The following SPOCK3 variants were observed in gnomAD, a reference collection of about 807,000 sequenced individuals.
SPOCK3 encodes the protein SPARC (osteonectin), cwcv and kazal like domains proteoglycan 3.
Under a neutral mutation model 56.6 loss-of-function variants are expected in SPOCK3, and 30 were observed. The observed-to-expected ratio is 0.53, with a 90% CI of 0.40 to 0.72. The LOEUF is 0.72. SPOCK3 is among the 30% of genes least tolerant of loss of function. The pLI is 0.00. For synonymous variants in SPOCK3, 196 were observed against 183.3 expected (o/e 1.07, Z -0.56); for missense variants, 527 against 530.0 (o/e 0.99, Z 0.06).
intron 6 of SPOCK3, among the ~76,000 whole-genome samples, chr4:166,839,955 T>C (rs988298761): frequency 3.3e-5 from 5 of 152,178 alleles, no homozygotes; most frequent in Admixed American, 6.5e-5. Context: ...TGAGGGTGTA[T>C]TACTGTGCTT....
chr4:167,080,367 A>C (rs28405279), intron 2 of SPOCK3, among the ~76,000 whole-genome samples: 9,531 of 152,092 alleles, frequency 0.063, 476 homozygotes, highest in African/African-American at 0.14. Flanking sequence ...TTGATTGATT[A>C]ACTTTCCTTT....
intron 2 of SPOCK3, among the ~76,000 whole-genome samples, chr4:167,149,883 T>C (rs1234781250): frequency 1.3e-5 from 2 of 151,738 alleles, no homozygotes; most frequent in Non-Finnish European, 2.9e-5. Flanking sequence ...AAAGTATAGA[T>C]GCAGAGATGT....
At chr4:166,886,593 T>C (rs896142318) in intron 6 of SPOCK3, among the ~76,000 whole-genome samples, 2 of 152,162 alleles carry the variant, frequency 1.3e-5, no homozygotes, top group East Asian at 1.9e-4. Flanking sequence ...AGAAAATCTA[T>C]ATTTATTAGT....
chr4:167,209,703 G>C (rs530005196), intron 2 of SPOCK3, among the ~76,000 whole-genome samples: 1 of 152,246 alleles, frequency 6.6e-6, no homozygotes, highest in African/African-American at 2.4e-5. Context: ...CATTACCTGA[G>C]AATGCAGGAG....
chr4:166,843,493 A>T (rs758326546), intron 6 of SPOCK3, among the ~76,000 whole-genome samples: 4 of 152,200 alleles, frequency 2.6e-5, no homozygotes, highest in Admixed American at 6.5e-5. Context: ...GTGTAGAATT[A>T]AGGGACAAGA....
At chr4:166,945,496 C>G (rs1024040594) in intron 4 of SPOCK3, among the ~76,000 whole-genome samples, 2 of 152,114 alleles carry the variant, frequency 1.3e-5, no homozygotes, top group Admixed American at 1.3e-4. Flanking sequence ...ATTCCCTTGA[C>G]GTAATCAGTT....
intron 2 of SPOCK3, among the ~76,000 whole-genome samples, chr4:167,210,492 T>C (rs1734764644): frequency 6.6e-6 from 1 of 152,172 alleles, no homozygotes; most frequent in Admixed American, 6.6e-5. Flanking sequence ...CACACATGAT[T>C]ATTTAAAAAC....
At chr4:167,095,343 A>G (rs879675646) in intron 2 of SPOCK3, among the ~76,000 whole-genome samples, 2 of 151,970 alleles carry the variant, frequency 1.3e-5, no homozygotes, top group Admixed American at 1.3e-4. Context: ...CCAGTAGGAT[A>G]TTGAATAACA....
intron 8 of SPOCK3, among the ~76,000 whole-genome samples, chr4:166,747,094 A>G (rs540158720): frequency 8.5e-4 from 129 of 152,302 alleles, no homozygotes; most frequent in Non-Finnish European, 1.2e-3. Context: ...AAACTATTCC[A>G]ATCAATAGAA....
chr4:167,224,169 AT>A (rs1244730172), intron 2 of SPOCK3, among the ~76,000 whole-genome samples: 5 of 152,146 alleles, frequency 3.3e-5, no homozygotes, highest in Non-Finnish European at 7.4e-5. Context: ...TCTAACACAT[AT>A]TTTTTCATTT....
chr4:166,923,210 CTG>C (rs1384851006), intron 4 of SPOCK3, among the ~76,000 whole-genome samples: 1 of 152,144 alleles, frequency 6.6e-6, no homozygotes, highest in Non-Finnish European at 1.5e-5. Context: ...CTGTTTTTGT[CTG>C]TGTCAAAACT....
chr4:166,953,960 G>A (rs1211546317), intron 4 of SPOCK3, among the ~76,000 whole-genome samples: 2 of 152,216 alleles, frequency 1.3e-5, no homozygotes, highest in East Asian at 3.9e-4. Flanking sequence ...GGGAGGGATA[G>A]CATTGGGAGA....
intron 6 of SPOCK3, among the ~76,000 whole-genome samples, chr4:166,826,526 T>G (rs992290184): frequency 8.5e-5 from 13 of 152,102 alleles, no homozygotes; most frequent in Non-Finnish European, 1.2e-4. Context: ...TTGTTCTGAC[T>G]CCACATCATG....
Position 166,847,647 on chromosome 4 carries a change from TTATATATATATATATATATA to T in SPOCK3, c.589+41463_589+41482del, listed in dbSNP as rs147015731. 5.6e-4 allele frequency among the ~76,000 whole-genome samples: 31 copies of T among 55,368 alleles called. 1 individual carries two copies. The highest frequency in any genetic ancestry group is 1.3e-3 in the African/African-American group (26 of 19,568). 36.3% of individuals were successfully genotyped at this position (55,368 alleles called of 152,430 possible). A position where few individuals can be genotyped will look rare whatever the true frequency, so the allele number is the denominator to read the frequency against. Reference sequence around the variant, plus strand: ...CACAATTCAAAAGGAAAATCCTAGTTTATATATATATATATATATATATATATATATATAAGAATCATGTT... The same window carrying T: ...CACAATTCAAAAGGAAAATCCTAGTTTATATATATATATAAGAATCATGTT... On this transcript the variant is annotated intron_variant, in intron 6 of 10. Coordinates refer to ENST00000357545, the MANE Select transcript of SPOCK3 (RefSeq NM_001040159.2).
At chr4:166,871,572 C>G (rs1732479927) in intron 6 of SPOCK3, among the ~76,000 whole-genome samples, 1 of 151,896 alleles carries the variant, frequency 6.6e-6, no homozygotes. Context: ...TAAAACGTTG[C>G]AAACAAAGAA....
At chr4:166,805,948 T>A (rs1457932747) in intron 6 of SPOCK3, among the ~76,000 whole-genome samples, 3 of 152,242 alleles carry the variant, frequency 2.0e-5, no homozygotes, top group Middle Eastern at 3.4e-3. Context: ...TAAAACTGCA[T>A]TCAAGTGTAG....
chr4:166,826,172 T>A (rs1300364463), intron 6 of SPOCK3, among the ~76,000 whole-genome samples: 1 of 152,126 alleles, frequency 6.6e-6, no homozygotes, highest in East Asian at 1.9e-4. Context: ...AAACATTTTT[T>A]AAAAATAACT....
intron 4 of SPOCK3, among the ~76,000 whole-genome samples, chr4:166,920,552 T>G (rs1051867674): frequency 1.3e-5 from 2 of 152,192 alleles, no homozygotes; most frequent in Non-Finnish European, 2.9e-5. Flanking sequence ...GCTTACAGTG[T>G]CAGCACTGAG....
chr4:167,095,083 A>G (rs1759033371), intron 2 of SPOCK3, among the ~76,000 whole-genome samples: 1 of 152,136 alleles, frequency 6.6e-6, no homozygotes, highest in Non-Finnish European at 1.5e-5. Flanking sequence ...CAGGTATTCA[A>G]CAAACTAGAT....
Sources: allele counts gnomAD v4.1 joint callset (sites outside exome capture counted in the v4.1 genomes callset), GRCh38; gene constraint gnomAD v4.1.1; transcripts MANE v1.5; gene names NCBI Gene and HGNC (gene_info 2026-07-23, HGNC 2026-07-21).